Variants in SYNPO observed in about 807,000 individuals in gnomAD.
SYNPO encodes synaptopodin.
Under a neutral mutation model 49.5 loss-of-function variants are expected in SYNPO, and 19 were observed. That is an observed-to-expected ratio of 0.38 (90% CI 0.27 to 0.56). The LOEUF (loss-of-function observed/expected upper bound fraction) is 0.56, where lower values mean the gene tolerates loss of function less well. Among genes scored for constraint, SYNPO ranks in the 20% least tolerant of loss-of-function variants. The pLI is 0.68. For missense variants in SYNPO, 1,131 were observed against 1,248.3 expected (o/e 0.91, Z 1.42); for synonymous variants, 536 against 548.0 (o/e 0.98, Z 0.31).
At chr5:150,629,926 G>C (rs981163638) in intron 2 of SYNPO, among the ~76,000 whole-genome samples, 4 of 151,962 alleles carry the variant, frequency 2.6e-5, no homozygotes, top group Admixed American at 2.0e-4. Context: ...TAACTTCTTC[G>C]CAACATGGTC....
At chr5:150,603,359 G>T (rs978458029) in intron 1 of SYNPO, among the ~76,000 whole-genome samples, 1 of 152,240 alleles carries the variant, frequency 6.6e-6, no homozygotes, top group Admixed American at 6.5e-5. Context: ...CTGGGAGGGT[G>T]CAAGGGTTCT....
intron 1 of SYNPO, among the ~76,000 whole-genome samples, chr5:150,605,667 C>A (rs1271794004): frequency 6.6e-6 from 1 of 152,068 alleles, no homozygotes; most frequent in Non-Finnish European, 1.5e-5. Context: ...TGCAAGCTCA[C>A]TGGGGTTGTT....
intron 1 of SYNPO, among the ~76,000 whole-genome samples, chr5:150,613,332 A>T (rs977171942): frequency 1.3e-5 from 2 of 152,036 alleles, no homozygotes; most frequent in African/African-American, 4.8e-5. Context: ...GGCTGTCACA[A>T]ACTGGCCATC....
At chr5:150,654,080 A>G (rs1480574167) in intron 2 of SYNPO, 1 of 152,176 alleles carries the variant, frequency 6.6e-6, no homozygotes, top group Non-Finnish European at 1.5e-5. Context: ...TGGCTTGGTT[A>G]TGGCTGATCA....
At chr5:150,598,130 C>T (rs776084612), upstream of SYNPO, among the ~76,000 whole-genome samples, 1 of 152,110 alleles carries the variant, frequency 6.6e-6, no homozygotes, top group Admixed American at 6.5e-5. Context: ...CTCGCCAGAC[C>T]GAGGAAGCAG....
Position 150,657,267 on chromosome 5 carries a change from C to G in SYNPO, c.*180C>G. ...TTGAGTTCTAGCCCTTGCTCTCATT[C>G]AGCTGTTGTGTGACCCTGGGTAAGA... is the stretch of plus-strand genomic sequence containing the variant. On this transcript the variant is annotated 3_prime_UTR_variant, in exon 3 of 3. Transcript: ENST00000307662. 1.5e-6 allele frequency: 1 copy of G among 676,402 alleles called. No individual in the cohort carries two copies. The highest frequency in any genetic ancestry group is 2.4e-6 in the Non-Finnish European group (1 of 409,368). The allele number at this position is 676,402 out of a possible 1,614,324, so 41.9% of individuals were successfully genotyped here. A position where few individuals can be genotyped will look rare whatever the true frequency, so the allele number is the denominator to read the frequency against.
At chr5:150,628,562 T>C (rs1757436970) in intron 2 of SYNPO, among the ~76,000 whole-genome samples, 1 of 152,138 alleles carries the variant, frequency 6.6e-6, no homozygotes, top group South Asian at 2.1e-4. Flanking sequence ...GAGATGATGA[T>C]AAATGCTAAA....
At chr5:150,621,419 G>C (rs560912861) in intron 2 of SYNPO, among the ~76,000 whole-genome samples, 5 of 152,174 alleles carry the variant, frequency 3.3e-5, no homozygotes, top group African/African-American at 9.7e-5. Flanking sequence ...GTCAAAATCC[G>C]GTGGTCTTGG....
the SYNPO span, among the ~76,000 whole-genome samples, chr5:150,586,106 A>G: frequency 2.6e-5 from 4 of 152,234 alleles, no homozygotes; most frequent in Admixed American, 2.6e-4. Context: ...GCAAGCCAGC[A>G]TGCAGGACTG....
At chr5:150,593,602 C>A in the SYNPO span, among the ~76,000 whole-genome samples, 1 of 152,146 alleles carries the variant, frequency 6.6e-6, no homozygotes, top group Admixed American at 6.5e-5. Context: ...CCTGAGACTA[C>A]AGGCGTTCAC....
the SYNPO span, among the ~76,000 whole-genome samples, chr5:150,590,207 A>T: frequency 6.6e-6 from 1 of 152,322 alleles, no homozygotes; most frequent in South Asian, 2.1e-4. Flanking sequence ...CTTGGGGAGA[A>T]GCATCTTTGC....
chr5:150,651,729 G>C, intron 2 of SYNPO: 1 of 1,000,548 alleles, frequency 1.0e-6, no homozygotes, highest in South Asian at 4.7e-5. Flanking sequence ...TCTGGGACTT[G>C]AGACCTGGAT....
intron 2 of SYNPO, among the ~76,000 whole-genome samples, chr5:150,622,396 G>T (rs1352208800): frequency 6.6e-6 from 1 of 152,202 alleles, no homozygotes; most frequent in Non-Finnish European, 1.5e-5. Context: ...GGTTGTTCAG[G>T]CTCTGGGAGT....
At chr5:150,593,843 C>T in the SYNPO span, among the ~76,000 whole-genome samples, 124 of 152,216 alleles carry the variant, frequency 8.1e-4, no homozygotes, top group Non-Finnish European at 1.2e-3. Context: ...AATTCAGAGG[C>T]GGTGTCTGGG....
intron 2 of SYNPO, chr5:150,650,843 C>T: frequency 7.8e-7 from 1 of 1,274,572 alleles, no homozygotes; most frequent in Non-Finnish European, 1.0e-6. Flanking sequence ...TGGATTCTCA[C>T]CTCCATGGGC....
rs1757600689 is a variant in SYNPO, at chr5:150,633,267, G to A, written c.400+14500G>A. ...TCTGAGCAATAACATAGCAGAGTGGGAATTAAGAATCTTTTAGAGGAAACT... is the reference window on the plus strand; with the variant it reads ...TCTGAGCAATAACATAGCAGAGTGGAAATTAAGAATCTTTTAGAGGAAACT... On this transcript the variant is annotated intron_variant, in intron 2 of 2. Transcript: ENST00000394243. Among the ~76,000 whole-genome samples, 5 of 152,198 alleles carry A rather than the reference G, an allele frequency of 3.3e-5. No homozygotes were observed. The South Asian group carries it at 1.0e-3, about 32-fold the overall frequency.
At chr5:150,618,600 A>T in exon 2 of SYNPO, 3 of 1,551,414 alleles carry the variant, frequency 1.9e-6, no homozygotes, top group Non-Finnish European at 1.7e-6. Context: ...GGGACACCGC[A>T]GCTGCCCAAA....
intron 1 of SYNPO, 48 bp from the exon 2 acceptor site, chr5:150,647,896 T>C: frequency 1.3e-6 from 2 of 1,513,922 alleles, no homozygotes; most frequent in Non-Finnish European, 8.9e-7. Context: ...TGCACCCCTG[T>C]GTCACTGCAT....
chr5:150,615,545 C>T (rs1452536547), intron 1 of SYNPO, among the ~76,000 whole-genome samples: 1 of 152,214 alleles, frequency 6.6e-6, no homozygotes, highest in Non-Finnish European at 1.5e-5. Context: ...TTGGACGGAT[C>T]CTCCAGCATC....
Sources: allele counts gnomAD v4.1 joint callset (sites outside exome capture counted in the v4.1 genomes callset), GRCh38; gene constraint gnomAD v4.1.1; transcripts MANE v1.5; gene names NCBI Gene and HGNC (gene_info 2026-07-23, HGNC 2026-07-21).